The following UBAP1 variants were observed in gnomAD, a reference collection of about 807,000 sequenced individuals.
The protein encoded by UBAP1 is ubiquitin-associated protein 1.
UBAP1 carries 5 observed loss-of-function variants against 39.0 expected under a neutral mutation model. The observed-to-expected ratio is 0.13, with a 90% CI of 0.07 to 0.27. UBAP1 has a LOEUF of 0.27. Ranked by LOEUF, UBAP1 falls within the 10% of genes least tolerant of loss-of-function variation. The pLI, the probability that UBAP1 is intolerant of heterozygous loss-of-function variation, is 1.00. For synonymous variants in UBAP1, 211 were observed against 225.1 expected (o/e 0.94, Z 0.56); for missense variants, 490 against 608.1 (o/e 0.81, Z 2.04).
At chr9:34,234,751 T>C (rs748659620) in intron 3 of UBAP1, among the ~76,000 whole-genome samples, 2 of 152,216 alleles carry the variant, frequency 1.3e-5, no homozygotes, top group African/African-American at 4.8e-5. Flanking sequence ...ATCTGCTGCA[T>C]TGACAGTCTT....
chr9:34,186,819 T>G (rs1830430225), intron 1 of UBAP1, among the ~76,000 whole-genome samples: 1 of 152,186 alleles, frequency 6.6e-6, no homozygotes, highest in Non-Finnish European at 1.5e-5. Context: ...TTTCATCTCT[T>G]CATAGTCTTC....
At chr9:34,195,319 T>C (rs1031821005) in intron 1 of UBAP1, among the ~76,000 whole-genome samples, 1 of 152,158 alleles carries the variant, frequency 6.6e-6, no homozygotes, top group Non-Finnish European at 1.5e-5. Context: ...CTTTTTTGTC[T>C]ATGATTCATT....
intron 2 of UBAP1, chr9:34,224,387 C>T (rs142371419): frequency 7.0e-6 from 3 of 426,378 alleles, no homozygotes; most frequent in African/African-American, 6.2e-5. Context: ...GCATTGTAGA[C>T]AACATCGATG....
At chr9:34,185,485 G>C (rs1250235291) in intron 1 of UBAP1, among the ~76,000 whole-genome samples, 2 of 152,132 alleles carry the variant, frequency 1.3e-5, no homozygotes, top group Non-Finnish European at 2.9e-5. Context: ...GGAAGTCGAG[G>C]CTGCAGTGAG....
At chr9:34,231,357 G>A (rs1283655440) in intron 2 of UBAP1, among the ~76,000 whole-genome samples, 1 of 151,822 alleles carries the variant, frequency 6.6e-6, no homozygotes, top group Non-Finnish European at 1.5e-5. Context: ...TGGGATTACA[G>A]GCATGTGCCA....
Position 34,250,697 on chromosome 9 carries a change from A to G in UBAP1, c.1306A>G (p.Lys436Glu). Reference protein sequence around the residue: ...YLFAHGQLCEKGFDPLLVEEA... With the variant: ...YLFAHGQLCEEGFDPLLVEEA... ...CTTTGCACATGGACAGCTTTGTGAG[A>G]AGGGCTTCGACCCTCTTTTAGTGGA... Residue 436 changes from lysine to glutamate, a missense_variant, in exon 6 of 7, where the codon AAG becomes GAG. By Grantham distance (56) the Lys-to-Glu change is moderately conservative. Coordinates refer to ENST00000297661, the MANE Select transcript of UBAP1 (RefSeq NM_016525.5). 3 of 1,613,780 alleles carry G rather than the reference A, an allele frequency of 1.9e-6. No individual in the cohort carries two copies. Among genetic ancestry groups the G allele is most frequent in the Non-Finnish European group, 2.5e-6 (3 of 1,179,746 alleles).
intron 1 of UBAP1, among the ~76,000 whole-genome samples, chr9:34,192,387 C>T (rs1830777389): frequency 6.6e-6 from 1 of 151,680 alleles, no homozygotes; most frequent in Non-Finnish European, 1.5e-5. Context: ...TGGTGGCGCA[C>T]GCCTGTGATC....
rs758443973 is a variant in UBAP1, at chr9:34,218,250, C to CAAAAAAAAAA, written c.-7-2623_-7-2614dup. Among the ~76,000 whole-genome samples the CAAAAAAAAAA allele has an allele frequency of 2.4e-4, 12 of 49,520 alleles. 1 individual carries two copies. The highest frequency in any genetic ancestry group is 6.0e-4 in the Admixed American group (2 of 3,358). 32.5% of individuals were successfully genotyped at this position (49,520 alleles called of 152,430 possible). On this transcript the variant is annotated intron_variant, in intron 1 of 6. Coordinates refer to ENST00000297661, the MANE Select transcript of UBAP1 (RefSeq NM_016525.5). Reference sequence around the variant, plus strand: ...CTGGTGACAGAGCGAGACTCCATCTCAAAAAAAAAAAAAAAAAAAAAAAAA... The same window carrying CAAAAAAAAAA: ...CTGGTGACAGAGCGAGACTCCATCTCAAAAAAAAAAAAAAAAAAAAAAAAAAAAAAAAAAA...
At chr9:34,184,427 C>T (rs550913376) in intron 1 of UBAP1, among the ~76,000 whole-genome samples, 9 of 150,924 alleles carry the variant, frequency 6.0e-5, no homozygotes, top group African/African-American at 1.7e-4. Context: ...GTCAGGAGAT[C>T]GAGACCATCC....
At chr9:34,230,344 G>A (rs1224692088) in intron 2 of UBAP1, among the ~76,000 whole-genome samples, 3 of 152,294 alleles carry the variant, frequency 2.0e-5, no homozygotes, top group South Asian at 4.1e-4. Context: ...GATTACAGGC[G>A]TGAGCTGCCG....
chr9:34,197,189 G>A (rs1831117008), intron 1 of UBAP1, among the ~76,000 whole-genome samples: 1 of 152,004 alleles, frequency 6.6e-6, no homozygotes, highest in Non-Finnish European at 1.5e-5. Context: ...GCCTCCCAAA[G>A]TGCTGGAATT....
At chr9:34,184,478 A>T (rs1357124569) in intron 1 of UBAP1, among the ~76,000 whole-genome samples, 1 of 151,348 alleles carries the variant, frequency 6.6e-6, no homozygotes, top group Non-Finnish European at 1.5e-5. Context: ...AAAAATAGAA[A>T]AAATTAGCCG....
At chr9:34,202,343 G>A (rs183290329) in intron 1 of UBAP1, among the ~76,000 whole-genome samples, 1 of 152,130 alleles carries the variant, frequency 6.6e-6, no homozygotes, top group Admixed American at 6.6e-5. Context: ...TGTTGGTAAG[G>A]CTGGTCTCAA....
At chr9:34,181,127 T>C (rs1433522143) in intron 1 of UBAP1, among the ~76,000 whole-genome samples, 6 of 132,198 alleles carry the variant, frequency 4.5e-5, no homozygotes, top group African/African-American at 1.6e-4. Flanking sequence ...TTTTTTTTTT[T>C]TTTTTTGAGA....
At chr9:34,187,034 A>T (rs1259198140) in intron 1 of UBAP1, among the ~76,000 whole-genome samples, 1 of 151,964 alleles carries the variant, frequency 6.6e-6, no homozygotes, top group East Asian at 1.9e-4. Flanking sequence ...CAGCCTCCCG[A>T]GTAGCTGGGA....
rs762243114 is a variant in UBAP1 at position 34,241,296 on chromosome 9, A to T, written c.271A>T (p.Asn91Tyr). The T allele has an allele frequency of 1.3e-6, 2 of 1,509,298 alleles. No individual in the cohort carries two copies. The highest frequency in any genetic ancestry group is 1.8e-6 in the Non-Finnish European group (2 of 1,130,150). The allele number at this position is 1,509,298 out of a possible 1,614,324, so 93.5% of individuals were successfully genotyped here. The change falls in exon 4 of 7, where the codon AAT (asparagine) becomes TAT (tyrosine). Residue 91 changes from asparagine to tyrosine, a missense_variant. Physicochemically the swap from Asn to Tyr is moderately radical, Grantham distance 143. Transcript: ENST00000297661. ...CKIAEAEAKV[N>Y]SKSGPEGDSK... is the part of the protein sequence containing the mutation. ...AATTGCGGAAGCAGAAGCTAAAGTG[A>T]ATTCTAAGAGTGGCCCAGAGGGCGA...
intron 2 of UBAP1, among the ~76,000 whole-genome samples, chr9:34,222,054 A>G (rs1281936420): frequency 6.6e-6 from 1 of 152,082 alleles, no homozygotes; most frequent in Non-Finnish European, 1.5e-5. Context: ...GCTTGATCCC[A>G]GAAGTTTGAA....
At chr9:34,215,591 C>T (rs1279747363) in intron 1 of UBAP1, among the ~76,000 whole-genome samples, 1 of 151,794 alleles carries the variant, frequency 6.6e-6, no homozygotes, top group African/African-American at 2.4e-5. Flanking sequence ...GCGTATACTG[C>T]TCGGGTGATG....
chr9:34,212,031 C>T (rs1832046197), intron 1 of UBAP1: 2 of 421,908 alleles, frequency 4.7e-6, no homozygotes, highest in Admixed American at 2.6e-5. Flanking sequence ...CAATCCATAC[C>T]ACCAGCTAAA....
Sources: allele counts gnomAD v4.1 joint callset (sites outside exome capture counted in the v4.1 genomes callset), GRCh38; gene constraint gnomAD v4.1.1; transcripts MANE v1.5; gene names NCBI Gene and HGNC (gene_info 2026-07-23, HGNC 2026-07-21).